GRIA3: variants seen among roughly 807,000 people sequenced by gnomAD.
GRIA3 encodes the protein glutamate ionotropic receptor AMPA type subunit 3.
A neutral mutation model predicts 63.0 loss-of-function variants in GRIA3; 3 were observed. The observed-to-expected ratio is 0.05, with a 90% CI of 0.02 to 0.12. The LOEUF (loss-of-function observed/expected upper bound fraction) is 0.12. Ranked by LOEUF, GRIA3 falls within the 10% of genes least tolerant of loss-of-function variation. The pLI is 1.00. For synonymous variants in GRIA3, 274 were observed against 257.9 expected (o/e 1.06, Z -0.60); for missense variants, 347 against 700.9 (o/e 0.50, Z 5.70).
At position 123,184,720 on chromosome X, in the gene GRIA3, C is replaced by T. The variant is rs1017322293; in HGVS notation, c.109+76C>T. On this transcript the variant is annotated intron_variant, in intron 1 of 15. Coordinates refer to ENST00000620443, the MANE Select transcript of GRIA3 (RefSeq NM_007325.5). ...CACTGCCCCGGCAAGGCTTTCCCTG[C>T]GGTGGGTCCCTGTCCTGCGTGGCCT... 9.2e-6 allele frequency: 5 copies of T among 544,430 alleles called. No individual in the cohort carries two copies. In the African/African-American group the frequency reaches 1.0e-4, roughly 11 times the overall value. The allele number at this position is 544,430 out of a possible 1,213,427, so 44.9% of individuals were successfully genotyped here.
At chrX:123,223,587 T>C (rs1000310053) in intron 2 of GRIA3, among the ~76,000 whole-genome samples, 11 of 112,275 alleles carry the variant, frequency 9.8e-5, no homozygotes, top group Non-Finnish European at 2.1e-4. Context: ...GCCCTCTTTC[T>C]GAAGAACGGT....
At chrX:123,216,396 A>ACCTTT (rs776195791) in intron 2 of GRIA3, among the ~76,000 whole-genome samples, 27 of 112,135 alleles carry the variant, frequency 2.4e-4, no homozygotes, top group African/African-American at 8.4e-4. Context: ...ATAGAACCTT[A>ACCTTT]CCTTTCCTTT....
intron 3 of GRIA3, among the ~76,000 whole-genome samples, chrX:123,296,023 A>T (rs933572347): frequency 4.5e-5 from 5 of 111,588 alleles, no homozygotes; most frequent in Non-Finnish European, 9.5e-5. Flanking sequence ...TCCATCATAT[A>T]CATAGAAAGT....
At chrX:123,329,583 C>A (rs911597769) in intron 4 of GRIA3, among the ~76,000 whole-genome samples, 2 of 111,710 alleles carry the variant, frequency 1.8e-5, no homozygotes, top group African/African-American at 6.5e-5. Flanking sequence ...GAGAAGCATT[C>A]TAAACTTATA....
intron 2 of GRIA3, among the ~76,000 whole-genome samples, chrX:123,249,693 G>T (rs1443080203): frequency 1.8e-5 from 2 of 111,617 alleles, no homozygotes; most frequent in Non-Finnish European, 3.8e-5. Flanking sequence ...TCTTATTGAT[G>T]TCCACCACCA....
At chrX:123,310,852 A>G (rs2044785889) in intron 3 of GRIA3, among the ~76,000 whole-genome samples, 1 of 111,055 alleles carries the variant, frequency 9.0e-6, no homozygotes, top group Non-Finnish European at 1.9e-5. Flanking sequence ...AAAATACAAA[A>G]ACTAGCCAGG....
At chrX:123,210,949 T>C (rs1425871197) in intron 2 of GRIA3, among the ~76,000 whole-genome samples, 5 of 112,217 alleles carry the variant, frequency 4.5e-5, no homozygotes, top group South Asian at 3.7e-4. Flanking sequence ...ATCCTTCATC[T>C]TGTTCCATTT....
chrX:123,483,212 G>T (rs746060795), intron 15 of GRIA3, among the ~76,000 whole-genome samples, 166 bp downstream of exon 15: 3 of 109,266 alleles, frequency 2.7e-5, no homozygotes, highest in African/African-American at 1.0e-4. Flanking sequence ...TCAGGCAGTG[G>T]TGCTTTTCTA....
At chrX:123,441,922 C>G (rs771406718) in intron 12 of GRIA3, among the ~76,000 whole-genome samples, 1 of 111,973 alleles carries the variant, frequency 8.9e-6, no homozygotes, top group African/African-American at 3.2e-5. Flanking sequence ...GCCCCACCAG[C>G]CAGATTCTTA....
chrX:123,251,505 G>A (rs1167806319), intron 2 of GRIA3, among the ~76,000 whole-genome samples: 2 of 111,150 alleles, frequency 1.8e-5, no homozygotes, highest in Admixed American at 9.5e-5. Flanking sequence ...GCACGATCTC[G>A]GCTCACTGCA....
At chrX:123,410,748 C>A (rs1374237820) in intron 10 of GRIA3, among the ~76,000 whole-genome samples, 1 of 111,639 alleles carries the variant, frequency 9.0e-6, no homozygotes, top group African/African-American at 3.3e-5. Flanking sequence ...TGCATGTAAC[C>A]TCCAGGAAGG....
intron 5 of GRIA3, among the ~76,000 whole-genome samples, chrX:123,390,958 T>G (rs191124161): frequency 8.2e-4 from 91 of 111,421 alleles, no homozygotes; most frequent in African/African-American, 2.9e-3. Context: ...ATTCAATGAA[T>G]TATTCAGCTT....
In GRIA3 at chrX:123,398,818, G is replaced by A. The variant is rs760942274; in HGVS notation, c.1080+15G>A. ...CTCTGAAAATGGTAAAGACCACAAT[G>A]GGTTATTGGGGTGGAAGAAACTTAT... On this transcript the variant is annotated intron_variant, in intron 7 of 15. Coordinates refer to ENST00000620443, the MANE Select transcript of GRIA3 (RefSeq NM_007325.5). 2.6e-6 allele frequency: 3 copies of A among 1,163,567 alleles called. No individual in the cohort carries two copies. The Admixed American group carries it at 6.6e-5, about 25-fold the overall frequency.
rs758238853 is a variant in GRIA3 at position 123,407,701 on chromosome X, G to C, written c.1500+2787G>C. On this transcript the variant is annotated intron_variant, in intron 10 of 15. Coordinates refer to ENST00000620443, the MANE Select transcript of GRIA3 (RefSeq NM_007325.5). ...CATATGACTTGGTTGCGGGGGGGGGGGGGACGTGGGGACACAAATATTCAA... is the reference window on the plus strand; with the variant it reads ...CATATGACTTGGTTGCGGGGGGGGGCGGGACGTGGGGACACAAATATTCAA... Among the ~76,000 whole-genome samples, 34 of 81,382 alleles carry C rather than the reference G, an allele frequency of 4.2e-4. 8 individuals are homozygous for C. In the South Asian group the frequency reaches 8.1e-3, roughly 19 times the overall value. 70.7% of individuals were successfully genotyped at this position (81,382 alleles called of 115,157 possible). A position where few individuals can be genotyped will look rare whatever the true frequency, so the allele number is the denominator to read the frequency against.
intron 5 of GRIA3, among the ~76,000 whole-genome samples, chrX:123,394,385 C>A (rs1206669067): frequency 5.5e-5 from 6 of 109,790 alleles, no homozygotes; most frequent in African/African-American, 1.3e-4. Context: ...GGTAACAGAG[C>A]GAGATTCTAT....
At chrX:123,242,109 G>A (rs887385964) in intron 2 of GRIA3, among the ~76,000 whole-genome samples, 5 of 111,737 alleles carry the variant, frequency 4.5e-5, no homozygotes, top group Non-Finnish European at 3.8e-5. Context: ...TCCAAACAAA[G>A]TGGGAAATAA....
At chrX:123,380,667 A>G (rs2045318760) in intron 5 of GRIA3, among the ~76,000 whole-genome samples, 1 of 111,854 alleles carries the variant, frequency 8.9e-6, no homozygotes, top group South Asian at 3.7e-4. Context: ...CCATTTGTCA[A>G]TTTTGGCTTT....
At chrX:123,470,575 TA>T (rs1195216096) in intron 13 of GRIA3, among the ~76,000 whole-genome samples, 1 of 111,910 alleles carries the variant, frequency 8.9e-6, no homozygotes, top group African/African-American at 3.2e-5. Context: ...TCTTCAAAGA[TA>T]GTAAAAAGTT....
At chrX:123,321,899 G>C (rs1271197419) in intron 3 of GRIA3, among the ~76,000 whole-genome samples, 3 of 111,605 alleles carry the variant, frequency 2.7e-5, no homozygotes, top group Non-Finnish European at 5.7e-5. Context: ...GCTCCCTTCC[G>C]GGAGCTCTGA....
Sources: gnomAD v4.1 joint callset for allele counts (sites outside exome capture counted in the v4.1 genomes callset) on GRCh38, gnomAD v4.1.1 for gene constraint, MANE v1.5 for transcripts, NCBI Gene and HGNC (gene_info 2026-07-23, HGNC 2026-07-21) for gene names.